The following CAMTA1 variants were observed in gnomAD, a reference collection of about 807,000 sequenced individuals.
The protein encoded by CAMTA1 is calmodulin-binding transcription activator 1.
CAMTA1 carries 27 observed loss-of-function variants against 170.9 expected under a neutral mutation model. The ratio of observed to expected loss-of-function variants is 0.16; its 90% CI spans 0.12 to 0.22. The LOEUF is 0.22. Ranked by LOEUF, CAMTA1 falls within the 10% of genes least tolerant of loss-of-function variation. The pLI is 1.00. For missense variants in CAMTA1, 1,619 were observed against 2,217.2 expected, an observed-to-expected ratio of 0.73 and a Z score of 5.42; for synonymous variants, 833 against 891.5, an observed-to-expected ratio of 0.93 and a Z score of 1.17.
In CAMTA1 at chr1:7,689,536, G is replaced by A. The variant is rs141418770; in HGVS notation, c.2914+11803G>A. Among the ~76,000 whole-genome samples, 1,343 of 152,124 alleles carry A rather than the reference G, an allele frequency of 8.8e-3. 18 individuals carry two copies. Among genetic ancestry groups the A allele is most frequent in the African/African-American group, 0.03 (1,257 of 41,488 alleles). On this transcript the variant is annotated intron_variant, in intron 11 of 22. Coordinates refer to ENST00000303635, the MANE Select transcript of CAMTA1 (RefSeq NM_015215.4). ...TGAGGCTGCAGTGAGCTGAGATTGT[G>A]CCATTGCACTCTAGCCTGAGTGACA...
chr1:6,975,364 G>T (rs1406464436), intron 3 of CAMTA1, among the ~76,000 whole-genome samples: 1 of 152,214 alleles, frequency 6.6e-6, no homozygotes, highest in African/African-American at 2.4e-5. Context: ...TTGTCCTGTG[G>T]CTTGCTGCTT....
chr1:7,626,294 G>A (rs2095633198), intron 6 of CAMTA1, among the ~76,000 whole-genome samples: 2 of 152,214 alleles, frequency 1.3e-5, no homozygotes, highest in African/African-American at 4.8e-5. Flanking sequence ...CCATTTGTCA[G>A]TCAAGGGAGA....
At chr1:6,982,589 T>C (rs980593517) in intron 3 of CAMTA1, among the ~76,000 whole-genome samples, 1 of 152,180 alleles carries the variant, frequency 6.6e-6, no homozygotes, top group South Asian at 2.1e-4. Flanking sequence ...ACTTCTTAAG[T>C]GTCCCAAGTA....
At position 7,768,702 on chromosome 1, in the gene CAMTA1, T is replaced by A. The variant is rs1422118242; in HGVS notation, c.*2211T>A. On this transcript the variant is annotated 3_prime_UTR_variant, in exon 23 of 23. Coordinates refer to ENST00000303635, the MANE Select transcript of CAMTA1 (RefSeq NM_015215.4). Reference sequence around the variant, plus strand: ...ACAACAGTGACAGCCCCACAACTAGTAGCCACCTGTACATTTGTAAACTGA... The same window carrying A: ...ACAACAGTGACAGCCCCACAACTAGAAGCCACCTGTACATTTGTAAACTGA... 1 of 152,670 alleles carries A rather than the reference T, an allele frequency of 6.6e-6. No individual in the cohort carries two copies. Among genetic ancestry groups the A allele is most frequent in the African/African-American group, 2.4e-5 (1 of 41,406 alleles). The allele number at this position is 152,670 out of a possible 1,614,324, so 9.5% of individuals were successfully genotyped here. A position where few individuals can be genotyped will look rare whatever the true frequency, so the allele number is the denominator to read the frequency against.
At chr1:7,235,932 G>A (rs936835459) in intron 4 of CAMTA1, among the ~76,000 whole-genome samples, 3 of 152,162 alleles carry the variant, frequency 2.0e-5, no homozygotes, top group African/African-American at 7.2e-5. Context: ...CTTATTATTC[G>A]TATGGCTCTA....
chr1:7,378,108 A>G (rs2086985816), intron 5 of CAMTA1, among the ~76,000 whole-genome samples: 1 of 152,178 alleles, frequency 6.6e-6, no homozygotes, highest in African/African-American at 2.4e-5. Context: ...CCCCTCACTC[A>G]GACACATCTG....
rs1176579813 is a variant in CAMTA1 at position 7,064,228 on chromosome 1, C to T, written c.235-27076C>T. On this transcript the variant is annotated intron_variant, in intron 3 of 22. Transcript: ENST00000303635. This position sits in a 1 kb window ranked among gnomAD's most constrained non-coding sequence, Gnocchi z 5.4. ...CCCTTTCCTCCTGCTCCTCCTCCTG[C>T]TCCTTCCTCTTGTTCTTGTTCTTTT... is the stretch of plus-strand genomic sequence containing the variant. 6.6e-6 allele frequency among the ~76,000 whole-genome samples: 1 copy of T among 151,870 alleles called. No homozygotes were observed. The highest frequency in any genetic ancestry group is 1.5e-5 in the Non-Finnish European group (1 of 67,984).
chr1:7,429,131 G>C (rs116644597), intron 5 of CAMTA1, among the ~76,000 whole-genome samples: 1,820 of 152,142 alleles, frequency 0.012, 35 homozygotes, highest in East Asian at 0.043. Flanking sequence ...CCTGGGTTGC[G>C]ATTAGAGCCC....
At chr1:6,961,817 G>C (rs1690462618) in intron 3 of CAMTA1, among the ~76,000 whole-genome samples, 1 of 152,202 alleles carries the variant, frequency 6.6e-6, no homozygotes, top group South Asian at 2.1e-4. Flanking sequence ...CTTTCTCACC[G>C]GGCTTGCCCC....
At position 7,680,198 on chromosome 1, in the gene CAMTA1, T is replaced by C; in HGVS notation, c.2914+2465T>C. The C allele has an allele frequency of 3.5e-6, 1 of 285,710 alleles. No homozygotes were observed. Among genetic ancestry groups the C allele is most frequent in the South Asian group, 2.6e-5 (1 of 39,098 alleles). 17.7% of individuals were successfully genotyped at this position (285,710 alleles called of 1,614,324 possible). A position where few individuals can be genotyped will look rare whatever the true frequency, so the allele number is the denominator to read the frequency against. ...ATGAACTTTGCGTCCGGGCCAATGCTGCAGTGGCCGGGCGGTGGTGAGCCT... is the reference window on the plus strand; with the variant it reads ...ATGAACTTTGCGTCCGGGCCAATGCCGCAGTGGCCGGGCGGTGGTGAGCCT... On this transcript the variant is annotated intron_variant, in intron 11 of 22. Coordinates refer to ENST00000303635, the MANE Select transcript of CAMTA1 (RefSeq NM_015215.4). The surrounding 1 kb of genome is among the most constrained non-coding windows in gnomAD (Gnocchi z 4.4).
chr1:7,578,956 A>G (rs1463620490), intron 6 of CAMTA1, among the ~76,000 whole-genome samples: 1 of 152,192 alleles, frequency 6.6e-6, no homozygotes, highest in Non-Finnish European at 1.5e-5. Flanking sequence ...AAAGGCATTC[A>G]TACCATCCCC....
chr1:7,693,689 A>C (rs1340547663), intron 11 of CAMTA1: 1 of 152,258 alleles, frequency 6.6e-6, no homozygotes, highest in African/African-American at 2.4e-5. Context: ...CCTCTTCCCC[A>C]TGGAATCATG....
At chr1:7,753,919 A>T (rs1435650422) in intron 21 of CAMTA1, among the ~76,000 whole-genome samples, 2 of 152,252 alleles carry the variant, frequency 1.3e-5, no homozygotes, top group African/African-American at 4.8e-5. Context: ...CAAAACGGGT[A>T]TGGCTCTAAG....
At chr1:7,360,774 G>A (rs2149973234) in intron 5 of CAMTA1, among the ~76,000 whole-genome samples, 1 of 152,358 alleles carries the variant, frequency 6.6e-6, no homozygotes, top group South Asian at 2.1e-4. Context: ...AGCAAGGGAA[G>A]GTGTGATGAG....
At chr1:7,127,194 T>G (rs966913345) in intron 4 of CAMTA1, among the ~76,000 whole-genome samples, 20 of 150,494 alleles carry the variant, frequency 1.3e-4, no homozygotes, top group Non-Finnish European at 2.5e-4. Context: ...CTCTGATTGT[T>G]CAGCTTTTTC....
In CAMTA1 at chr1:7,154,926, G is replaced by A. The variant is rs1250771702; in HGVS notation, c.302+63555G>A. 3.3e-5 allele frequency among the ~76,000 whole-genome samples: 5 copies of A among 152,224 alleles called. No individual in the cohort carries two copies. In the East Asian group the frequency reaches 5.8e-4, roughly 18 times the overall value. On this transcript the variant is annotated intron_variant, in intron 4 of 22. Transcript: ENST00000303635. ...CTCCCCACTCCAGCCGGGCTTGTGG[G>A]TGCCAGCATGGAGCCTGCAGCCTCT...
At chr1:7,675,306 G>T (rs984690639) in intron 10 of CAMTA1, among the ~76,000 whole-genome samples, 1 of 152,240 alleles carries the variant, frequency 6.6e-6, no homozygotes, top group African/African-American at 2.4e-5. Context: ...ATGATAGCAG[G>T]AACTAAAATA....
intron 4 of CAMTA1, among the ~76,000 whole-genome samples, chr1:7,143,794 TTA>T (rs1286760010): frequency 3.3e-5 from 5 of 152,256 alleles, no homozygotes; most frequent in Non-Finnish European, 7.3e-5. Flanking sequence ...AAATGTCAAC[TTA>T]TACTAAGTGT....
intron 4 of CAMTA1, among the ~76,000 whole-genome samples, chr1:7,223,961 A>AGAGGGCGGGGTG (rs1259306182): frequency 2.0e-5 from 3 of 152,160 alleles, no homozygotes; most frequent in African/African-American, 7.2e-5. Context: ...TGCAGTTGTT[A>AGAGGGCGGGGTG]GAGGGCGGGG....
Sources: allele counts gnomAD v4.1 joint callset (sites outside exome capture counted in the v4.1 genomes callset), GRCh38; gene constraint gnomAD v4.1.1; non-coding constraint Gnocchi (gnomAD v3.1); transcripts MANE v1.5; gene names NCBI Gene and HGNC (gene_info 2026-07-23, HGNC 2026-07-21).